Variants in MYMK observed in about 807,000 individuals in gnomAD.
MYMK encodes myomaker, myoblast fusion factor.
In MYMK, 16 loss-of-function variants were observed where a neutral mutation model predicts 22.4. The observed-to-expected ratio is 0.72, with a 90% confidence interval of 0.48 to 1.09. The LOEUF (loss-of-function observed/expected upper bound fraction) is 1.09. MYMK is among the 50% of genes least tolerant of loss of function. MYMK has a pLI of 0.00. For synonymous variants in MYMK, 125 were observed against 127.0 expected, an observed-to-expected ratio of 0.98 and a Z score of 0.11; for missense variants, 250 against 295.6, an observed-to-expected ratio of 0.85 and a Z score of 1.13.
intron 1 of MYMK, among the ~76,000 whole-genome samples, chr9:133,522,605 G>A (rs1320437196): frequency 6.6e-6 from 1 of 152,220 alleles, no homozygotes; most frequent in Non-Finnish European, 1.5e-5. Flanking sequence ...AGAGGCAGCT[G>A]CGGGGCCAGC....
chr9:133,520,859 G>T (rs1019029357), intron 1 of MYMK, among the ~76,000 whole-genome samples: 1 of 152,154 alleles, frequency 6.6e-6, no homozygotes, highest in Non-Finnish European at 1.5e-5. Flanking sequence ...GCATCAGAAC[G>T]CCTGGGGCCT....
intron 1 of MYMK, among the ~76,000 whole-genome samples, chr9:133,521,195 T>G (rs923563108): frequency 2.6e-5 from 4 of 152,214 alleles, no homozygotes; most frequent in Non-Finnish European, 5.9e-5. Context: ...GTCAACTACT[T>G]TTCTACGGAA....
rs1432686981 is a variant in MYMK, at chr9:133,517,493, C to T, written c.399+1381G>A. 3.9e-5 allele frequency among the ~76,000 whole-genome samples: 6 copies of T among 152,128 alleles called. No homozygotes were observed. In the East Asian group the frequency reaches 1.2e-3, roughly 29 times the overall value. On this transcript the variant is annotated intron_variant, in intron 3 of 4. Transcript: ENST00000339996. ...CCAGCCGGGCCAACGTGGTGAAACC[C>T]CATCGCTACTAAAAATATAAAAATT...
At chr9:133,522,547 G>A (rs970936059) in intron 1 of MYMK, among the ~76,000 whole-genome samples, 4 of 152,224 alleles carry the variant, frequency 2.6e-5, no homozygotes, top group African/African-American at 7.2e-5. Context: ...AGAGGCAGCT[G>A]CCCCTGCCAC....
rs1234148753 is a variant in MYMK, at chr9:133,515,828, G to C, written c.400-221C>G. ...GCAGAGACCCCAGCCTGGATGGCTGGGAAGGAAGCCACTGGGCCATGTGCC... is the reference window on the plus strand; with the variant it reads ...GCAGAGACCCCAGCCTGGATGGCTGCGAAGGAAGCCACTGGGCCATGTGCC... On this transcript the variant is annotated intron_variant, in intron 3 of 4. Transcript: ENST00000339996. This position sits in a 1 kb window ranked among gnomAD's most constrained non-coding sequence, Gnocchi z 5.8. Among the ~76,000 whole-genome samples the C allele has an allele frequency of 2.0e-5, 3 of 152,162 alleles. No homozygotes were observed. The highest frequency in any genetic ancestry group is 4.4e-5 in the Non-Finnish European group (3 of 68,026).
rs1348417965 is a variant in MYMK at position 133,520,383 on chromosome 9, A to G, written c.136-95T>C. ...AGTGCCAGGTCACTTGCTGGCTGTGAGAAGTCACTTTGGCGAGTCACTTAA... is the reference window on the plus strand; with the variant it reads ...AGTGCCAGGTCACTTGCTGGCTGTGGGAAGTCACTTTGGCGAGTCACTTAA... On this transcript the variant is annotated intron_variant, in intron 1 of 4. Transcript: ENST00000339996. The G allele has an allele frequency of 6.4e-6, 6 of 933,848 alleles. No individual in the cohort carries two copies. The East Asian group carries it at 1.6e-4, about 24-fold the overall frequency. The allele number at this position is 933,848 out of a possible 1,614,324, so 57.8% of individuals were successfully genotyped here.
chr9:133,519,169 G>A, intron 2 of MYMK, 147 bp from the exon 3 acceptor site: 2 of 969,134 alleles, frequency 2.1e-6, no homozygotes, highest in Admixed American at 2.6e-5. Context: ...GGCCCAGCCT[G>A]GTCATGGAGG....
intron 1 of MYMK, among the ~76,000 whole-genome samples, chr9:133,522,367 T>G (rs1844712537): frequency 2.0e-5 from 3 of 150,624 alleles, no homozygotes; most frequent in African/African-American, 2.4e-5. Context: ...CTCTGTTGTG[T>G]GGGGACAAGC....
Position 133,515,355 on chromosome 9 carries a change from G to T in MYMK, c.516+136C>A. ...ACATAGCCCTGGGAGGGGCTAGTGA[G>T]CAGGGACTAATACCAGACTTTGGCC... On this transcript the variant is annotated intron_variant, in intron 4 of 4. Transcript: ENST00000339996. The surrounding 1 kb of genome is among the most constrained non-coding windows in gnomAD (Gnocchi z 5.8). The T allele has an allele frequency of 4.4e-6, 3 of 674,336 alleles. No individual in the cohort carries two copies. The highest frequency in any genetic ancestry group is 5.4e-6 in the Non-Finnish European group (2 of 373,348). 41.8% of individuals were successfully genotyped at this position (674,336 alleles called of 1,614,324 possible).
At chr9:133,522,802 C>G (rs796237816) in intron 1 of MYMK, among the ~76,000 whole-genome samples, 1 of 152,346 alleles carries the variant, frequency 6.6e-6, no homozygotes, top group South Asian at 2.1e-4. Context: ...TAGCCCTAGC[C>G]CAGGCTGGAG....
At chr9:133,516,321 C>T (rs968313097) in intron 3 of MYMK, among the ~76,000 whole-genome samples, 2 of 152,182 alleles carry the variant, frequency 1.3e-5, no homozygotes, top group African/African-American at 4.8e-5. Flanking sequence ...TCTCCCTGAG[C>T]CTGGTCCCCT....
At chr9:133,517,181 C>T (rs1844642069) in intron 3 of MYMK, among the ~76,000 whole-genome samples, 1 of 152,114 alleles carries the variant, frequency 6.6e-6, no homozygotes, top group Admixed American at 6.6e-5. Flanking sequence ...CAGAAGGAGG[C>T]GAGAGGCGGG....
chr9:133,518,247 G>A (rs1005986237), intron 3 of MYMK, among the ~76,000 whole-genome samples: 7 of 152,172 alleles, frequency 4.6e-5, no homozygotes, highest in Non-Finnish European at 7.3e-5. Flanking sequence ...TTGGTAGGAC[G>A]GAGAGAGCAG....
intron 1 of MYMK, among the ~76,000 whole-genome samples, chr9:133,522,343 C>G (rs1323782853): frequency 2.9e-5 from 4 of 140,158 alleles, no homozygotes; most frequent in East Asian, 2.1e-4. Context: ...GAGTGGCTGT[C>G]GGGGGGGGGC....
At chr9:133,519,801 T>A (rs1229181007) in intron 2 of MYMK, among the ~76,000 whole-genome samples, 1 of 152,076 alleles carries the variant, frequency 6.6e-6, no homozygotes, top group Non-Finnish European at 1.5e-5. Flanking sequence ...TGTGTGTGGA[T>A]GTTTGTATGA....
chr9:133,520,520 G>C (rs559882710), intron 1 of MYMK, among the ~76,000 whole-genome samples: 31 of 152,346 alleles, frequency 2.0e-4, no homozygotes, highest in African/African-American at 6.3e-4. Context: ...TTAGGGGCTG[G>C]GGTGTGCCAA....
intron 1 of MYMK, among the ~76,000 whole-genome samples, chr9:133,524,198 G>GGCCCT (rs1043171574): frequency 1.3e-5 from 2 of 151,886 alleles, no homozygotes; most frequent in Admixed American, 1.3e-4. Context: ...GAGACCAGCA[G>GGCCCT]GCCCTCCTGA....
In MYMK at chr9:133,515,683, A is replaced by G; in HGVS notation, c.400-76T>C. 1.0e-6 allele frequency: 1 copy of G among 979,124 alleles called. No homozygotes were observed. Among genetic ancestry groups the G allele is most frequent in the Non-Finnish European group, 1.6e-6 (1 of 614,152 alleles). 60.7% of individuals were successfully genotyped at this position (979,124 alleles called of 1,614,324 possible). On this transcript the variant is annotated intron_variant, in intron 3 of 4. Transcript: ENST00000339996. This position sits in a 1 kb window ranked among gnomAD's most constrained non-coding sequence, Gnocchi z 5.8. ...ACGCCCCTCCCCAAACCAGCCCGAG[A>G]GCTGGCCCTGCACAGGCTCACCCCA... is the stretch of plus-strand genomic sequence containing the variant.
chr9:133,514,871 C>A, intron 4 of MYMK, 86 bp from the exon 5 acceptor site: 1 of 1,447,354 alleles, frequency 6.9e-7, no homozygotes, highest in Non-Finnish European at 9.3e-7. Flanking sequence ...CCCCTTCAGG[C>A]CCCCGCCTCT....
Sources: allele counts gnomAD v4.1 joint callset (sites outside exome capture counted in the v4.1 genomes callset), GRCh38; gene constraint gnomAD v4.1.1; non-coding constraint Gnocchi (gnomAD v3.1); transcripts MANE v1.5; gene names NCBI Gene and HGNC (gene_info 2026-07-23, HGNC 2026-07-21).